The following MDGA1 variants were observed in gnomAD, a reference collection of about 807,000 sequenced individuals.
MDGA1 encodes the protein MAM domain containing glycosylphosphatidylinositol anchor 1.
Under a neutral mutation model 101.5 loss-of-function variants are expected in MDGA1, and 54 were observed. The ratio of observed to expected loss-of-function variants is 0.53; its 90% CI spans 0.43 to 0.67. MDGA1 has a LOEUF of 0.67. Ranked by LOEUF, MDGA1 falls within the 30% of genes least tolerant of loss-of-function variation. The probability of loss-of-function intolerance (pLI) is 0.00; values close to 1 mark genes in which losing one functional copy is unlikely to be tolerated. For missense variants in MDGA1, 1,083 were observed against 1,323.8 expected (o/e 0.82, Z 2.82); for synonymous variants, 533 against 558.3 (o/e 0.95, Z 0.64).
Position 37,638,539 on chromosome 6 carries a change from G to A in MDGA1, c.2665C>T (p.Gln889Ter). ...TCCTCTGGGCCCTACGGACTCACCT[G>A]GAAGGGCCCACTGGGGCTGATGGGC... ...HVPISPSGPF[Q>*]IIFEGVRGPG... Residue 889 changes from glutamine to a stop codon, truncating the protein, a stop_gained and splice_region_variant, in exon 15 of 17, where the codon CAG becomes TAG. Coordinates refer to ENST00000434837, the MANE Select transcript of MDGA1 (RefSeq NM_153487.4). LOFTEE classifies it high-confidence loss of function. The surrounding 1 kb of genome is among the most constrained non-coding windows in gnomAD (Gnocchi z 4.8). 1.2e-6 allele frequency: 2 copies of A among 1,613,914 alleles called. No individual in the cohort carries two copies. Among genetic ancestry groups the A allele is most frequent in the Non-Finnish European group, 8.5e-7 (1 of 1,179,882 alleles).
chr6:37,665,864 G>A (rs1761738057), intron 1 of MDGA1, among the ~76,000 whole-genome samples: 1 of 152,178 alleles, frequency 6.6e-6, no homozygotes, highest in South Asian at 2.1e-4. Context: ...ATGCATGTGT[G>A]CATTCCCCCT....
chr6:37,694,835 T>C (rs1040642714), intron 1 of MDGA1, among the ~76,000 whole-genome samples: 3 of 152,056 alleles, frequency 2.0e-5, no homozygotes, highest in Non-Finnish European at 2.9e-5. Context: ...CCCACTTTGA[T>C]TGGCTCTGAG....
intron 1 of MDGA1, among the ~76,000 whole-genome samples, chr6:37,665,211 C>T (rs1369411040): frequency 6.6e-6 from 1 of 152,178 alleles, no homozygotes; most frequent in African/African-American, 2.4e-5. Context: ...CCCAGCCCCC[C>T]AGTGCTTAAA....
intron 1 of MDGA1, among the ~76,000 whole-genome samples, chr6:37,689,764 G>A (rs536361649): frequency 2.0e-5 from 3 of 152,252 alleles, no homozygotes; most frequent in South Asian, 2.1e-4. Context: ...CCTCAGAGCC[G>A]TTTGCAGCTC....
intron 1 of MDGA1, among the ~76,000 whole-genome samples, chr6:37,678,974 CT>C (rs58809039): frequency 2.0e-5 from 3 of 151,922 alleles, no homozygotes; most frequent in Non-Finnish European, 2.9e-5. Context: ...GATGAACAAT[CT>C]TTTTTTTCAA....
At position 37,647,926 on chromosome 6, in the gene MDGA1, GT is replaced by G. The variant is rs1341480772; in HGVS notation, c.1895-603del. 2.0e-5 allele frequency among the ~76,000 whole-genome samples: 3 copies of G among 152,154 alleles called. No homozygotes were observed. In the East Asian group the frequency reaches 5.8e-4, roughly 29 times the overall value. On this transcript the variant is annotated intron_variant, in intron 9 of 16. Transcript: ENST00000434837. ...GCTGAAGGGCCACTTAGTCAGTTGG[GT>G]GCTGCTGGGAAAGCTGTGTATGCCA...
chr6:37,679,616 G>A (rs1438303073), intron 1 of MDGA1, among the ~76,000 whole-genome samples: 2 of 152,150 alleles, frequency 1.3e-5, no homozygotes, highest in Non-Finnish European at 2.9e-5. Context: ...CCGCCTCCCT[G>A]GTGGCAGCCT....
chr6:37,673,987 C>A (rs1761925632), intron 1 of MDGA1, among the ~76,000 whole-genome samples: 1 of 152,176 alleles, frequency 6.6e-6, no homozygotes, highest in Non-Finnish European at 1.5e-5. Flanking sequence ...TTTTAATTTG[C>A]CATTGATTCA....
intron 1 of MDGA1, among the ~76,000 whole-genome samples, chr6:37,664,842 G>GACAGACACACACACACACAC (rs1215330966): frequency 3.6e-5 from 2 of 55,260 alleles, no homozygotes; most frequent in Admixed American, 2.5e-4. Context: ...CCTAACCTAA[G>GACAGACACACACACACACAC]ACACACACAC....
In MDGA1 at chr6:37,696,686, C is replaced by A; in HGVS notation, c.67+59G>T. On this transcript the variant is annotated intron_variant, in intron 1 of 16. Transcript: ENST00000434837. This position sits in a 1 kb window ranked among gnomAD's most constrained non-coding sequence, Gnocchi z 5.6. ...AAACCCCGGCAGCGCGCACTTTGCG[C>A]CTCTTGCAAAGTTTCCGCGCGAGGT... 1 of 1,499,096 alleles carries A rather than the reference C, an allele frequency of 6.7e-7. No individual in the cohort carries two copies. The highest frequency in any genetic ancestry group is 9.1e-7 in the Non-Finnish European group (1 of 1,098,746). 92.9% of individuals were successfully genotyped at this position (1,499,096 alleles called of 1,614,324 possible).
At chr6:37,648,196 G>T (rs1581851926) in intron 9 of MDGA1, 1 of 150,802 alleles carries the variant, frequency 6.6e-6, no homozygotes, top group Admixed American at 6.6e-5. Context: ...TCTGGGCACC[G>T]AAGGGCCTGC....
intron 1 of MDGA1, among the ~76,000 whole-genome samples, chr6:37,679,698 C>T (rs1002404705): frequency 6.6e-6 from 1 of 152,190 alleles, no homozygotes; most frequent in African/African-American, 2.4e-5. Context: ...ACTTAGCAAA[C>T]CCTCCTCCGA....
Position 37,639,024 on chromosome 6 carries a change from G to A in MDGA1, c.2537-357C>T, listed in dbSNP as rs149685037. Reference sequence around the variant, plus strand: ...CCCAGGGCAGTGGGACCTCTGTCTGGGCACGCAGCAGGGTTTCCAAAGAAA... The same window carrying A: ...CCCAGGGCAGTGGGACCTCTGTCTGAGCACGCAGCAGGGTTTCCAAAGAAA... On this transcript the variant is annotated intron_variant, in intron 14 of 16. Coordinates refer to ENST00000434837, the MANE Select transcript of MDGA1 (RefSeq NM_153487.4). 21 of 227,610 alleles carry A rather than the reference G, an allele frequency of 9.2e-5. No homozygotes were observed. The East Asian group carries it at 2.0e-3, about 22-fold the overall frequency. The allele number at this position is 227,610 out of a possible 1,614,324, so 14.1% of individuals were successfully genotyped here.
chr6:37,683,043 A>C (rs1762129009), intron 1 of MDGA1, among the ~76,000 whole-genome samples: 1 of 152,202 alleles, frequency 6.6e-6, no homozygotes, highest in African/African-American at 2.4e-5. Flanking sequence ...GCAGTCTTCT[A>C]GTCTAGACTG....
rs1454176423 is a variant in MDGA1 at position 37,652,281 on chromosome 6, G to A, written c.1042C>T (p.Gln348Ter). The A allele has an allele frequency of 6.2e-7, 1 of 1,613,974 alleles. No homozygotes were observed. Residue 348 changes from glutamine (Q) to a stop codon, truncating the protein, a stop_gained, in exon 7 of 17, where the codon CAG becomes TAG. Coordinates refer to ENST00000434837, the MANE Select transcript of MDGA1 (RefSeq NM_153487.4). LOFTEE classifies it high-confidence loss of function. This position sits in a 1 kb window ranked among gnomAD's most constrained non-coding sequence, Gnocchi z 4.3. Reference protein sequence around the residue: ...PDVIKESENIQLGQDLKLSCH... With the variant: ...PDVIKESENI ...GATAGCTTCAGGTCCTGGCCCAGCT[G>A]GATGTTCTCACTCTCTTTGATCACG...
rs770940404 is a variant in MDGA1 at position 37,652,027 on chromosome 6, G to A, written c.1296C>T (p.Asn432=). 6 of 1,598,636 alleles carry A rather than the reference G, an allele frequency of 3.8e-6. No homozygotes were observed. Among genetic ancestry groups the A allele is most frequent in the Non-Finnish European group, 4.3e-6 (5 of 1,174,516 alleles). ...GCTGCCCACCTGTCTCAGAGGAGAT[G>A]TTGACCTCGACGCTGAGGTCGGGCA... ...APVPDLSVEV[N]ISSETVPPTI... Residue 432 remains asparagine (N), a synonymous_variant, in exon 7 of 17, where the codon AAC becomes AAT. Transcript: ENST00000434837. This position sits in a 1 kb window ranked among gnomAD's most constrained non-coding sequence, Gnocchi z 4.3.
chr6:37,685,738 G>A (rs896611351), intron 1 of MDGA1, among the ~76,000 whole-genome samples: 12 of 152,002 alleles, frequency 7.9e-5, no homozygotes, highest in Admixed American at 7.2e-4. Flanking sequence ...CAGACGGGAA[G>A]CTGGTGGGAC....
intron 1 of MDGA1, among the ~76,000 whole-genome samples, chr6:37,666,401 G>T (rs1272585163): frequency 6.6e-6 from 1 of 151,454 alleles, no homozygotes; most frequent in Non-Finnish European, 1.5e-5. Context: ...AAATAAAGTT[G>T]TCTTCTCTGA....
chr6:37,655,457 C>A lies in MDGA1; in HGVS notation c.579+243G>T. ...TGTCTGCCCCTAGGGGTGCCTTTTC[C>A]TAACTAGCAATGTTCCTGGAGGACA... is the stretch of plus-strand genomic sequence containing the variant. On this transcript the variant is annotated intron_variant, in intron 4 of 16. Coordinates refer to ENST00000434837, the MANE Select transcript of MDGA1 (RefSeq NM_153487.4). This position sits in a 1 kb window ranked among gnomAD's most constrained non-coding sequence, Gnocchi z 5.1. The A allele has an allele frequency of 2.2e-6, 1 of 454,742 alleles. No homozygotes were observed. Among genetic ancestry groups the A allele is most frequent in the East Asian group, 3.8e-5 (1 of 26,088 alleles). 28.2% of individuals were successfully genotyped at this position (454,742 alleles called of 1,614,324 possible).
Sources: gnomAD v4.1 joint callset for allele counts (sites outside exome capture counted in the v4.1 genomes callset) on GRCh38, gnomAD v4.1.1 for gene constraint, Gnocchi (gnomAD v3.1) non-coding constraint, MANE v1.5 for transcripts, NCBI Gene and HGNC (gene_info 2026-07-23, HGNC 2026-07-21) for gene names.